Variants in GRM8 observed in about 807,000 individuals in gnomAD.
GRM8 encodes glutamate metabotropic receptor 8.
GRM8 carries 47 observed loss-of-function variants against 87.2 expected under a neutral mutation model. That is an observed-to-expected ratio of 0.54 (90% CI 0.43 to 0.69). The LOEUF (loss-of-function observed/expected upper bound fraction) is 0.69. Ranked by LOEUF, GRM8 falls within the 30% of genes least tolerant of loss-of-function variation. The pLI is 0.00. For missense variants in GRM8, 1,019 were observed against 1,139.2 expected (o/e 0.89, Z 1.52); for synonymous variants, 396 against 404.5 (o/e 0.98, Z 0.25).
At chr7:126,851,746 C>T (rs1797235027) in intron 6 of GRM8, among the ~76,000 whole-genome samples, 1 of 152,100 alleles carries the variant, frequency 6.6e-6, no homozygotes, top group African/African-American at 2.4e-5. Context: ...CAGGGTGTTC[C>T]TCCCCAGCCT....
intron 3 of GRM8, among the ~76,000 whole-genome samples, chr7:126,907,271 AGGAG>A (rs1402567364): frequency 6.9e-6 from 1 of 144,152 alleles, no homozygotes; most frequent in East Asian, 2.1e-4. Context: ...AAGGAGGAGG[AGGAG>A]GAAGAAGAAA....
chr7:126,574,287 G>A (rs1421596243), intron 8 of GRM8, among the ~76,000 whole-genome samples: 2 of 152,076 alleles, frequency 1.3e-5, no homozygotes, highest in African/African-American at 4.8e-5. Flanking sequence ...GCAGAACATT[G>A]AACTCCTCAT....
intron 3 of GRM8, among the ~76,000 whole-genome samples, chr7:127,081,049 C>T (rs1031770129): frequency 9.9e-5 from 15 of 152,042 alleles, no homozygotes; most frequent in African/African-American, 2.4e-4. Context: ...TGGTCAGCAG[C>T]GATATTTAAG....
intron 6 of GRM8, among the ~76,000 whole-genome samples, chr7:126,885,871 T>C (rs1420879042): frequency 1.3e-5 from 2 of 152,146 alleles, no homozygotes; most frequent in African/African-American, 4.8e-5. Context: ...AAGTTTCTTA[T>C]CTAAATCCAA....
intron 7 of GRM8, among the ~76,000 whole-genome samples, chr7:126,751,523 A>G (rs939716871): frequency 3.3e-5 from 5 of 152,134 alleles, no homozygotes; most frequent in Non-Finnish European, 7.4e-5. Context: ...GGAGCTGTGT[A>G]AGCAACTTGC....
chr7:127,190,313 A>G (rs1299067838), intron 2 of GRM8, among the ~76,000 whole-genome samples: 1 of 152,150 alleles, frequency 6.6e-6, no homozygotes, highest in Admixed American at 6.5e-5. Context: ...GGAACAGAGA[A>G]TTGTTAATAT....
chr7:126,479,100 G>A (rs774953502), intron 9 of GRM8, among the ~76,000 whole-genome samples: 3 of 151,294 alleles, frequency 2.0e-5, no homozygotes, highest in Non-Finnish European at 1.5e-5. Flanking sequence ...AGCCTTTTAT[G>A]CTAAAAATCT....
intron 7 of GRM8, among the ~76,000 whole-genome samples, chr7:126,707,305 TA>T (rs1035452372): frequency 2.0e-5 from 3 of 152,086 alleles, no homozygotes; most frequent in Non-Finnish European, 4.4e-5. Context: ...TATTTTTTTT[TA>T]AATAAGGCTA....
At chr7:126,805,666 C>T (rs1340385202) in intron 6 of GRM8, among the ~76,000 whole-genome samples, 1 of 152,202 alleles carries the variant, frequency 6.6e-6, no homozygotes, top group Non-Finnish European at 1.5e-5. Context: ...TATCTTTTCA[C>T]TGAGTCCCTT....
At chr7:127,043,646 G>T (rs1305750687) in intron 3 of GRM8, among the ~76,000 whole-genome samples, 6 of 152,090 alleles carry the variant, frequency 3.9e-5, no homozygotes, top group Admixed American at 3.3e-4. Context: ...GATAGCATTA[G>T]GAGATATACC....
chr7:126,945,292 C>G (rs1268326352), intron 3 of GRM8, among the ~76,000 whole-genome samples: 2 of 152,132 alleles, frequency 1.3e-5, no homozygotes, highest in Non-Finnish European at 2.9e-5. Context: ...AGGAAAATCT[C>G]TATGTTACAA....
intron 3 of GRM8, among the ~76,000 whole-genome samples, chr7:127,073,932 A>G (rs941157092): frequency 2.6e-5 from 4 of 152,236 alleles, no homozygotes; most frequent in African/African-American, 7.2e-5. Context: ...AAATCCTTCT[A>G]CAGACAAGAC....
At chr7:127,150,372 C>A (rs1160598136) in intron 2 of GRM8, among the ~76,000 whole-genome samples, 2 of 152,024 alleles carry the variant, frequency 1.3e-5, no homozygotes, top group Non-Finnish European at 2.9e-5. Flanking sequence ...GGAACAGGAG[C>A]ACATGGACAT....
At chr7:127,074,100 C>T (rs946347527) in intron 3 of GRM8, among the ~76,000 whole-genome samples, 2 of 152,156 alleles carry the variant, frequency 1.3e-5, no homozygotes, top group Admixed American at 6.5e-5. Context: ...GTAGTTGCTA[C>T]TGATAAGCCC....
At chr7:126,544,886 G>C (rs1816965737) in intron 8 of GRM8, among the ~76,000 whole-genome samples, 1 of 152,148 alleles carries the variant, frequency 6.6e-6, no homozygotes, top group South Asian at 2.1e-4. Context: ...AGGAGCACTG[G>C]AGAAAAGATA....
At chr7:126,725,408 G>A (rs75784535) in intron 7 of GRM8, among the ~76,000 whole-genome samples, 1,782 of 152,260 alleles carry the variant, frequency 0.012, 19 homozygotes, top group Non-Finnish European at 0.02. Flanking sequence ...TGCCTAGGAC[G>A]AAGGTCCACA....
intron 2 of GRM8, among the ~76,000 whole-genome samples, chr7:127,120,328 A>G (rs950065361): frequency 6.6e-6 from 1 of 152,228 alleles, no homozygotes; most frequent in African/African-American, 2.4e-5. Context: ...AAATGCTTAT[A>G]TGTTTTGGTA....
Position 126,944,020 on chromosome 7 carries a change from C to T in GRM8, c.728-39337G>A, listed in dbSNP as rs561440668. ...CTTTCCAGGTAGATCTGCTGACCTC[C>T]TTCTTGTGCTAAATCTATTAACAAG... On this transcript the variant is annotated intron_variant, in intron 3 of 10. Coordinates refer to ENST00000339582, the MANE Select transcript of GRM8 (RefSeq NM_000845.3). Among the ~76,000 whole-genome samples, 7 of 152,252 alleles carry T rather than the reference C, an allele frequency of 4.6e-5. No individual in the cohort carries two copies. In the South Asian group the frequency reaches 1.2e-3, roughly 27 times the overall value.
intron 3 of GRM8, among the ~76,000 whole-genome samples, chr7:126,964,922 A>G (rs1324917262): frequency 3.3e-5 from 5 of 152,228 alleles, no homozygotes; most frequent in East Asian, 1.9e-4. Context: ...ATGCCCATCA[A>G]TGATAAACTG....
Sources: allele counts gnomAD v4.1 joint callset (sites outside exome capture counted in the v4.1 genomes callset), GRCh38; gene constraint gnomAD v4.1.1; transcripts MANE v1.5; gene names NCBI Gene and HGNC (gene_info 2026-07-23, HGNC 2026-07-21).